NYAP2: variants seen among roughly 807,000 people sequenced by gnomAD.
NYAP2 encodes neuronal tyrosine-phosphorylated phosphoinositide-3-kinase adapter 2.
A neutral mutation model predicts 50.4 loss-of-function variants in NYAP2; 23 were observed. The ratio of observed to expected loss-of-function variants is 0.46; its 90% CI spans 0.33 to 0.65. The LOEUF is 0.65. Among genes scored for constraint, NYAP2 ranks in the 30% least tolerant of loss-of-function variants. The pLI is 0.02. For synonymous variants in NYAP2, 394 were observed against 365.2 expected, an observed-to-expected ratio of 1.08 and a Z score of -0.90; for missense variants, 885 against 861.0, an observed-to-expected ratio of 1.03 and a Z score of -0.35.
At chr2:225,399,716 T>A (rs965489591) in exon 1 of NYAP2, 1 of 151,940 alleles carries the variant, frequency 6.6e-6, no homozygotes, top group Non-Finnish European at 1.5e-5. Context: ...CAGCAGTAAT[T>A]GTGTGCATGG....
chr2:225,537,429 G>A (rs1344799081), intron 4 of NYAP2, among the ~76,000 whole-genome samples: 1 of 152,128 alleles, frequency 6.6e-6, no homozygotes, highest in Non-Finnish European at 1.5e-5. Context: ...TGGCTGGGGA[G>A]GCCTCACACC....
intron 4 of NYAP2, among the ~76,000 whole-genome samples, chr2:225,517,531 G>A (rs1429287421): frequency 1.3e-5 from 2 of 152,082 alleles, no homozygotes; most frequent in African/African-American, 4.8e-5. Context: ...TGATCCAATG[G>A]GACTGTTTCT....
chr2:225,622,550 T>TTC (rs1293012868), intron 5 of NYAP2, among the ~76,000 whole-genome samples: 1 of 31,528 alleles, frequency 3.2e-5, no homozygotes, highest in Non-Finnish European at 6.4e-5. Context: ...TCTTTCTTTC[T>TTC]TTCTTTCTTT....
Position 225,521,857 on chromosome 2 carries a change from T to C in NYAP2, c.523+8185T>C, listed in dbSNP as rs192224742. On this transcript the variant is annotated intron_variant, in intron 4 of 6. Coordinates refer to ENST00000636099, the Ensembl canonical transcript of NYAP2. ...TAATTTCGGAAGGAATGGTACCAGT[T>C]CCTCCTTGTACCTCTGGTAGAATTC... Among the ~76,000 whole-genome samples the C allele has an allele frequency of 1.4e-3, 208 of 152,220 alleles. 1 individual carries two copies. The highest frequency in any genetic ancestry group is 4.8e-3 in the African/African-American group (198 of 41,542).
intron 3 of NYAP2, among the ~76,000 whole-genome samples, chr2:225,489,246 A>G (rs1201882112): frequency 1.3e-5 from 2 of 151,544 alleles, no homozygotes; most frequent in African/African-American, 4.8e-5. Context: ...GCTGGAGTGC[A>G]GTGATGATGC....
intron 5 of NYAP2, among the ~76,000 whole-genome samples, chr2:225,624,457 G>T (rs1328875629): frequency 1.3e-5 from 2 of 152,276 alleles, no homozygotes; most frequent in African/African-American, 4.8e-5. Context: ...TGTTACTCAA[G>T]TCTTGACTAT....
chr2:225,691,001 T>C, the NYAP2 span, among the ~76,000 whole-genome samples: 1 of 152,190 alleles, frequency 6.6e-6, no homozygotes, highest in Non-Finnish European at 1.5e-5. Context: ...AGTAGTTTTT[T>C]CCAAAAACCA....
chr2:225,419,763 A>G (rs1574605181), intron 3 of NYAP2, among the ~76,000 whole-genome samples: 1 of 152,040 alleles, frequency 6.6e-6, no homozygotes, highest in East Asian at 1.9e-4. Flanking sequence ...CATCTTTATC[A>G]CTTAATGTGA....
In NYAP2 at chr2:225,638,157, TG is replaced by T. The variant is rs1451297881; in HGVS notation, c.1828+11032del. ...AGAATTTTAAACAGACTCGTGTGTT[TG>T]TGTGTGTGTGTGTGTGTGTGTGTGT... On this transcript the variant is annotated intron_variant, in intron 6 of 6. Coordinates refer to ENST00000636099, the Ensembl canonical transcript of NYAP2. Among the ~76,000 whole-genome samples, 154 of 16,758 alleles carry T rather than the reference TG, an allele frequency of 9.2e-3. 1 individual carries two copies. The highest frequency in any genetic ancestry group is 0.057 in the African/African-American group (151 of 2,672). The allele number at this position is 16,758 out of a possible 152,430, so 11.0% of individuals were successfully genotyped here. A position where few individuals can be genotyped will look rare whatever the true frequency, so the allele number is the denominator to read the frequency against.
the NYAP2 span, among the ~76,000 whole-genome samples, chr2:225,667,334 C>G: frequency 2.0e-5 from 3 of 152,068 alleles, no homozygotes; most frequent in African/African-American, 7.2e-5. Flanking sequence ...GGTGGGAGGC[C>G]TTTACAGTCA....
At chr2:225,659,766 A>C in the NYAP2 span, among the ~76,000 whole-genome samples, 6 of 152,354 alleles carry the variant, frequency 3.9e-5, no homozygotes, top group African/African-American at 1.4e-4. Context: ...AGGATTAATG[A>C]GATAACATAG....
At chr2:225,589,225 A>G (rs1384764812) in intron 5 of NYAP2, among the ~76,000 whole-genome samples, 1 of 152,080 alleles carries the variant, frequency 6.6e-6, no homozygotes, top group Non-Finnish European at 1.5e-5. Flanking sequence ...CACTTTATCC[A>G]CCAACTAGGT....
intron 4 of NYAP2, among the ~76,000 whole-genome samples, chr2:225,544,472 T>A (rs1470689876): frequency 6.6e-6 from 1 of 152,076 alleles, no homozygotes; most frequent in Non-Finnish European, 1.5e-5. Context: ...TTGTAAATAC[T>A]GTGTTAGAAC....
chr2:225,489,240 G>C (rs1690362221), intron 3 of NYAP2, among the ~76,000 whole-genome samples: 1 of 151,558 alleles, frequency 6.6e-6, no homozygotes, highest in South Asian at 2.1e-4. Flanking sequence ...ACCCAGGCTG[G>C]AGTGCAGTGA....
intron 6 of NYAP2, among the ~76,000 whole-genome samples, chr2:225,643,010 A>G (rs1016905563): frequency 3.9e-5 from 6 of 152,212 alleles, no homozygotes; most frequent in Non-Finnish European, 7.4e-5. Context: ...CAAAAACAAA[A>G]ATGCTGACCA....
At chr2:225,495,530 CT>C (rs1345673516) in intron 3 of NYAP2, among the ~76,000 whole-genome samples, 13 of 152,260 alleles carry the variant, frequency 8.5e-5, no homozygotes, top group African/African-American at 2.9e-4. Flanking sequence ...GACTCTACCC[CT>C]AATCTCTATG....
At chr2:225,561,529 G>A (rs772486549) in intron 4 of NYAP2, among the ~76,000 whole-genome samples, 3 of 152,092 alleles carry the variant, frequency 2.0e-5, no homozygotes, top group Non-Finnish European at 4.4e-5. Context: ...ATATTTTAAA[G>A]TTCCTGCTGT....
intron 5 of NYAP2, among the ~76,000 whole-genome samples, chr2:225,615,840 C>A (rs1692979452): frequency 6.6e-6 from 1 of 152,172 alleles, no homozygotes; most frequent in Non-Finnish European, 1.5e-5. Context: ...CTCTAAGTTT[C>A]TAAGGAAAAG....
At chr2:225,658,052 C>T (rs1362326343), downstream of NYAP2, among the ~76,000 whole-genome samples, 1 of 152,150 alleles carries the variant, frequency 6.6e-6, no homozygotes, top group Non-Finnish European at 1.5e-5. Context: ...GTTTTCCATG[C>T]CATTTGTACC....
Sources: allele counts gnomAD v4.1 joint callset (sites outside exome capture counted in the v4.1 genomes callset), GRCh38; gene constraint gnomAD v4.1.1; transcripts MANE v1.5; gene names NCBI Gene and HGNC (gene_info 2026-07-23, HGNC 2026-07-21).